The following CRYBG3 variants were observed in gnomAD, a reference collection of about 807,000 sequenced individuals.
The protein encoded by CRYBG3 is crystallin beta-gamma domain containing 3, also known as very large A-kinase anchor protein.
In CRYBG3, 127 loss-of-function variants were observed where a neutral mutation model predicts 244.2. The observed-to-expected ratio is 0.52, with a 90% CI of 0.45 to 0.60. The LOEUF is 0.60. Ranked by LOEUF, CRYBG3 falls within the 20% of genes least tolerant of loss-of-function variation. The pLI, the probability that CRYBG3 is intolerant of heterozygous loss-of-function variation, is 0.00. For synonymous variants in CRYBG3, 1,132 were observed against 1,195.8 expected (o/e 0.95, Z 1.10); for missense variants, 3,325 against 3,442.5 (o/e 0.97, Z 0.85).
intron 7 of CRYBG3, 116 bp from the exon 8 acceptor site, chr3:97,886,515 T>C (rs2039508615): frequency 5.4e-6 from 4 of 738,610 alleles, no homozygotes; most frequent in South Asian, 9.9e-5. Flanking sequence ...TATGTTTTCT[T>C]TGTGAAGAAA....
intron 16 of CRYBG3, among the ~76,000 whole-genome samples, chr3:97,912,622 T>C (rs749642550): frequency 2.6e-5 from 4 of 152,206 alleles, no homozygotes; most frequent in Non-Finnish European, 5.9e-5. Context: ...AAGTAAGACA[T>C]ATTAATCCTA....
At chr3:97,932,153 GTTTTT>G (rs923906907) in intron 17 of CRYBG3, among the ~76,000 whole-genome samples, 2 of 151,942 alleles carry the variant, frequency 1.3e-5, no homozygotes, top group Admixed American at 1.3e-4. Context: ...ATGGTTACCA[GTTTTT>G]TTTATTTTTT....
chr3:97,833,548 A>C (rs930329089), intron 1 of CRYBG3, among the ~76,000 whole-genome samples: 1 of 152,002 alleles, frequency 6.6e-6, no homozygotes, highest in Non-Finnish European at 1.5e-5. Context: ...AACATCACAC[A>C]CTAGAGCCTG....
intron 2 of CRYBG3, among the ~76,000 whole-genome samples, chr3:97,851,236 T>C (rs1328790792): frequency 6.6e-6 from 1 of 152,088 alleles, no homozygotes; most frequent in Non-Finnish European, 1.5e-5. Flanking sequence ...ATTTCAAGTA[T>C]TGGTGGTGGA....
intron 3 of CRYBG3, among the ~76,000 whole-genome samples, chr3:97,866,126 GT>G: frequency 6.6e-6 from 1 of 152,196 alleles, no homozygotes; most frequent in African/African-American, 2.4e-5. Context: ...TAAAATGAGA[GT>G]TTTTTCCCCT....
intron 1 of CRYBG3, among the ~76,000 whole-genome samples, chr3:97,836,833 T>C (rs2038741138): frequency 6.6e-6 from 1 of 152,126 alleles, no homozygotes; most frequent in African/African-American, 2.4e-5. Context: ...AATGCCCTCA[T>C]ACTAGTTTTG....
At chr3:97,848,180 G>A (rs559859338) in intron 2 of CRYBG3, among the ~76,000 whole-genome samples, 2 of 152,318 alleles carry the variant, frequency 1.3e-5, no homozygotes, top group Non-Finnish European at 2.9e-5. Context: ...TTCTCAGTGA[G>A]AGTAAAATGG....
At chr3:97,866,563 C>T (rs577006184) in intron 3 of CRYBG3, among the ~76,000 whole-genome samples, 1 of 152,292 alleles carries the variant, frequency 6.6e-6, no homozygotes, top group African/African-American at 2.4e-5. Flanking sequence ...CTAACAACCT[C>T]TTTAGATGAT....
intron 1 of CRYBG3, among the ~76,000 whole-genome samples, chr3:97,831,867 C>T (rs540657873): frequency 2.0e-5 from 3 of 152,080 alleles, no homozygotes; most frequent in East Asian, 1.9e-4. Context: ...TGTTATTCTT[C>T]GTCTTTTTTT....
chr3:97,877,390 A>G lies in CRYBG3; in HGVS notation c.6196A>G (p.Ser2066Gly), dbSNP rs1416631422. 6.2e-7 allele frequency: 1 copy of G among 1,614,190 alleles called. No individual in the cohort carries two copies. Among genetic ancestry groups the G allele is most frequent in the Non-Finnish European group, 8.5e-7 (1 of 1,180,018 alleles). Residue 2066 changes from serine (S) to glycine (G), a missense_variant, in exon 4 of 22, where the codon AGT becomes GGT. Ser to Gly is a moderately conservative substitution (Grantham distance 56). Coordinates refer to ENST00000389622, the MANE Select transcript of CRYBG3 (RefSeq NM_153605.4). Reference sequence around the variant, plus strand: ...ATTAGGTGAGACATTTGATAGTGATAGTTCAGAAATGTTCTTATCAGTGGA... The same window carrying G: ...ATTAGGTGAGACATTTGATAGTGATGGTTCAGAAATGTTCTTATCAGTGGA... ...TKLGETFDSDSSEMFLSVEAK... is the reference protein window; with the variant it reads ...TKLGETFDSDGSEMFLSVEAK...
At chr3:97,831,687 T>G (rs539762398) in intron 1 of CRYBG3, among the ~76,000 whole-genome samples, 2 of 152,284 alleles carry the variant, frequency 1.3e-5, no homozygotes, top group South Asian at 4.1e-4. Context: ...AGCTTAGCAC[T>G]TCACTGTTAG....
rs144815987 is a variant in CRYBG3, at chr3:97,877,375, A to T, written c.6181A>T (p.Thr2061Ser). 39 of 1,614,138 alleles carry T rather than the reference A, an allele frequency of 2.4e-5. No homozygotes were observed. The East Asian group carries it at 6.7e-4, about 28-fold the overall frequency. The change falls in exon 4 of 22, where the codon ACA (threonine) becomes TCA (serine). Residue 2061 changes from threonine (T) to serine (S), a missense_variant. Physicochemically the swap from Thr to Ser is moderately conservative, Grantham distance 58. This residue lies in a region of CRYBG3 where 450 missense variants were observed against 424.1 expected (regional missense o/e 1.06). Transcript: ENST00000389622. ...TGAAAAAGGTACTAAATTAGGTGAG[A>T]CATTTGATAGTGATAGTTCAGAAAT... ...HFEKGTKLGE[T>S]FDSDSSEMFL...
At chr3:97,922,506 C>T (rs888281150) in intron 17 of CRYBG3, among the ~76,000 whole-genome samples, 12 of 152,108 alleles carry the variant, frequency 7.9e-5, no homozygotes, top group Non-Finnish European at 1.6e-4. Flanking sequence ...AATCAAACAA[C>T]CCCATCAAAA....
chr3:97,878,217 T>C (rs572754573), intron 4 of CRYBG3, among the ~76,000 whole-genome samples, 180 bp downstream of exon 4: 1 of 152,274 alleles, frequency 6.6e-6, no homozygotes, highest in African/African-American at 2.4e-5. Flanking sequence ...AAGACCAGCC[T>C]GGCCAAGATG....
chr3:97,850,212 A>G (rs2038964325), intron 2 of CRYBG3, among the ~76,000 whole-genome samples: 1 of 152,090 alleles, frequency 6.6e-6, no homozygotes, highest in Non-Finnish European at 1.5e-5. Context: ...AGGCCCATCA[A>G]CGGCCCTTCC....
At position 97,899,025 on chromosome 3, in the gene CRYBG3, T is replaced by G; in HGVS notation, c.7844T>G (p.Val2615Gly). 6.2e-7 allele frequency: 1 copy of G among 1,609,416 alleles called. No homozygotes were observed. The highest frequency in any genetic ancestry group is 8.5e-7 in the Non-Finnish European group (1 of 1,178,356). Residue 2615 changes from valine (V) to glycine (G), a missense_variant and splice_region_variant, in exon 13 of 22, where the codon GTA becomes GGA. Transcript: ENST00000389622. ...KTRSIHVKSGVWVAYQQKFFC... is the reference protein window; with the variant it reads ...KTRSIHVKSGGWVAYQQKFFC... ...AGATCCATTCATGTTAAAAGTGGAG[T>G]GTAAGTTGCCTCCTCTAAGAACCTT...
chr3:97,823,177 T>C (rs2038530346), intron 1 of CRYBG3, among the ~76,000 whole-genome samples: 1 of 152,170 alleles, frequency 6.6e-6, no homozygotes, highest in Non-Finnish European at 1.5e-5. Context: ...TGTTTCTGAG[T>C]CTTTTCATCC....
At chr3:97,854,229 G>A (rs1335587420) in intron 2 of CRYBG3, among the ~76,000 whole-genome samples, 3 of 152,154 alleles carry the variant, frequency 2.0e-5, no homozygotes, top group Non-Finnish European at 4.4e-5. Flanking sequence ...TAGCCTTGTA[G>A]TATAGTTTGA....
At chr3:97,900,547 T>G in intron 15 of CRYBG3, 62 bp downstream of exon 15, 1 of 1,020,384 alleles carries the variant, frequency 9.8e-7, no homozygotes, top group Non-Finnish European at 1.5e-6. Context: ...ATACCCTTTC[T>G]CTCAAATCTT....
Sources: allele counts gnomAD v4.1 joint callset (sites outside exome capture counted in the v4.1 genomes callset), GRCh38; gene constraint gnomAD v4.1.1; regional missense constraint gnomAD v4.1.1; transcripts MANE v1.5; gene names NCBI Gene and HGNC (gene_info 2026-07-23, HGNC 2026-07-21).